Variants in CCSER2 observed in about 807,000 individuals in gnomAD.
CCSER2 encodes the protein serine-rich coiled-coil domain-containing protein 2.
A neutral mutation model predicts 92.3 loss-of-function variants in CCSER2; 46 were observed. The ratio of observed to expected loss-of-function variants is 0.50; its 90% CI spans 0.39 to 0.64. The LOEUF is 0.64. Among genes scored for constraint, CCSER2 ranks in the 30% least tolerant of loss-of-function variants. CCSER2 has a pLI of 0.00. For missense variants in CCSER2, 1,244 were observed against 1,238.9 expected, an observed-to-expected ratio of 1.00 and a Z score of -0.06; for synonymous variants, 433 against 431.4, an observed-to-expected ratio of 1.00 and a Z score of -0.04.
At chr10:84,400,416 C>T (rs1455151223) in intron 3 of CCSER2, among the ~76,000 whole-genome samples, 1 of 152,158 alleles carries the variant, frequency 6.6e-6, no homozygotes, top group Non-Finnish European at 1.5e-5. Flanking sequence ...AGCAGTCTGC[C>T]TGCCTTGGCC....
rs369845569 is a variant in CCSER2, at chr10:84,424,115, A to G, written c.1706-1616A>G. 2.0e-3 allele frequency among the ~76,000 whole-genome samples: 310 copies of G among 152,124 alleles called. 4 individuals are homozygous for G. The South Asian group carries it at 0.047, about 23-fold the overall frequency. On this transcript the variant is annotated intron_variant, in intron 4 of 9. Transcript: ENST00000372088. ...TACAGTGAGCTATGATTGCACCACT[A>G]TACTCTATCCTGGGTGACAGATTGA... is the stretch of plus-strand genomic sequence containing the variant.
At chr10:84,400,944 G>A (rs72841193) in intron 3 of CCSER2, among the ~76,000 whole-genome samples, 15,168 of 151,670 alleles carry the variant, frequency 0.1, 953 homozygotes, top group Admixed American at 0.15. Flanking sequence ...ATCTGTAGCC[G>A]GGTGCCATGT....
intron 6 of CCSER2, among the ~76,000 whole-genome samples, chr10:84,448,254 G>T (rs544748153): frequency 1.3e-5 from 2 of 152,228 alleles, no homozygotes; most frequent in Admixed American, 6.5e-5. Context: ...AGGCCATCCT[G>T]TGTGTGGATA....
intron 5 of CCSER2, among the ~76,000 whole-genome samples, chr10:84,437,429 G>A (rs895075897): frequency 3.3e-5 from 5 of 151,866 alleles, no homozygotes; most frequent in African/African-American, 9.7e-5. Context: ...CAGGAGAATC[G>A]CTTGAACTCC....
chr10:84,432,169 C>T (rs1160450653), intron 5 of CCSER2, among the ~76,000 whole-genome samples: 1 of 152,190 alleles, frequency 6.6e-6, no homozygotes, highest in Non-Finnish European at 1.5e-5. Flanking sequence ...AACATTTTCT[C>T]ACATGCTTAT....
chr10:84,332,587 C>T (rs562369020), intron 1 of CCSER2, among the ~76,000 whole-genome samples: 17 of 150,736 alleles, frequency 1.1e-4, no homozygotes, highest in East Asian at 5.8e-4. Flanking sequence ...TACAGGCACG[C>T]GCCACCACGC....
intron 1 of CCSER2, among the ~76,000 whole-genome samples, chr10:84,364,962 G>A (rs1164703166): frequency 1.3e-5 from 2 of 151,896 alleles, no homozygotes; most frequent in Non-Finnish European, 2.9e-5. Context: ...GGCTGGTCTC[G>A]AACTCCTGAC....
intron 1 of CCSER2, among the ~76,000 whole-genome samples, chr10:84,346,263 T>C (rs1844470619): frequency 6.6e-6 from 1 of 152,072 alleles, no homozygotes; most frequent in Admixed American, 6.5e-5. Flanking sequence ...GGGGTTTCTC[T>C]ATGTTGGTCA....
chr10:84,388,513 A>T (rs1289188713), intron 3 of CCSER2, among the ~76,000 whole-genome samples: 1 of 152,152 alleles, frequency 6.6e-6, no homozygotes, highest in African/African-American at 2.4e-5. Flanking sequence ...GTGTACTTGT[A>T]CCTATTAAAA....
chr10:84,491,264 A>G (rs1848146648), intron 9 of CCSER2, among the ~76,000 whole-genome samples: 1 of 152,160 alleles, frequency 6.6e-6, no homozygotes, highest in Non-Finnish European at 1.5e-5. Flanking sequence ...CTCTCTTCAA[A>G]GCTATCAGAC....
chr10:84,341,058 T>TG (rs1266095842), intron 1 of CCSER2, among the ~76,000 whole-genome samples: 1 of 149,590 alleles, frequency 6.7e-6, no homozygotes, highest in East Asian at 2.0e-4. Flanking sequence ...TTTTTTTTTT[T>TG]GAGACAGTGT....
intron 1 of CCSER2, among the ~76,000 whole-genome samples, chr10:84,347,305 CG>C (rs1183001703): frequency 6.6e-6 from 1 of 152,188 alleles, no homozygotes; most frequent in Non-Finnish European, 1.5e-5. Flanking sequence ...ACCTCCTAGA[CG>C]GGGTGGTGGC....
intron 4 of CCSER2, among the ~76,000 whole-genome samples, chr10:84,420,391 T>C (rs536015893): frequency 6.6e-6 from 1 of 152,316 alleles, no homozygotes; most frequent in East Asian, 1.9e-4. Context: ...ATCTAAAATA[T>C]GTAGCCTCCT....
At chr10:84,455,948 A>G (rs549346950) in intron 6 of CCSER2, 18 of 656,584 alleles carry the variant, frequency 2.7e-5, no homozygotes, top group East Asian at 2.6e-4. Flanking sequence ...TTCTGTCTCA[A>G]TTTTGGATTT....
chr10:84,445,016 CAG>C (rs1246191896), intron 6 of CCSER2, among the ~76,000 whole-genome samples: 1 of 152,186 alleles, frequency 6.6e-6, no homozygotes, highest in Non-Finnish European at 1.5e-5. Context: ...ATTTTAAACT[CAG>C]GGCTTTTTAA....
At chr10:84,471,264 CAAAG>C (rs1311924467) in intron 8 of CCSER2, among the ~76,000 whole-genome samples, 1 of 151,706 alleles carries the variant, frequency 6.6e-6, no homozygotes, top group Non-Finnish European at 1.5e-5. Context: ...ATTAAAGGAA[CAAAG>C]AAAATTTATG....
At chr10:84,373,089 T>C (rs1450720602) in intron 2 of CCSER2, among the ~76,000 whole-genome samples, 2 of 152,076 alleles carry the variant, frequency 1.3e-5, no homozygotes. Flanking sequence ...TATACCTGAA[T>C]AAAGAACAAC....
intron 3 of CCSER2, among the ~76,000 whole-genome samples, chr10:84,412,563 G>T (rs756195546): frequency 6.6e-6 from 1 of 152,068 alleles, no homozygotes; most frequent in Non-Finnish European, 1.5e-5. Context: ...AGCAGGTCGT[G>T]GGGGGACGAA....
intron 1 of CCSER2, among the ~76,000 whole-genome samples, chr10:84,345,461 CAT>C (rs1293124048): frequency 6.6e-6 from 1 of 152,154 alleles, no homozygotes; most frequent in East Asian, 1.9e-4. Flanking sequence ...GATAAAGATA[CAT>C]GTCTATTTAC....
Sources: gnomAD v4.1 joint callset for allele counts (sites outside exome capture counted in the v4.1 genomes callset) on GRCh38, gnomAD v4.1.1 for gene constraint, MANE v1.5 for transcripts, NCBI Gene and HGNC (gene_info 2026-07-23, HGNC 2026-07-21) for gene names.